The following ZNF26 variants were observed in gnomAD, a reference collection of about 807,000 sequenced individuals.
ZNF26 encodes zinc finger protein 26, also known as epididymis luminal protein 179.
Under a neutral mutation model 54.9 loss-of-function variants are expected in ZNF26, and 32 were observed. The observed-to-expected ratio is 0.58, with a 90% CI of 0.44 to 0.78. The LOEUF is 0.78. ZNF26 is among the 30% of genes least tolerant of loss of function. The pLI is 0.00. For synonymous variants in ZNF26, 221 were observed against 209.2 expected (o/e 1.06, Z -0.49); for missense variants, 524 against 634.0 (o/e 0.83, Z 1.86).
Position 133,003,618 on chromosome 12 carries a change from G to A in ZNF26, c.34-3424G>A, listed in dbSNP as rs1057213133. On this transcript the variant is annotated intron_variant, in intron 1 of 3. Coordinates refer to ENST00000328654, the MANE Select transcript of ZNF26 (RefSeq NM_019591.4). Reference sequence around the variant, plus strand: ...CTGTATGTAATTTAAATGGGTCTCAGAGGAGGATACTGATAATCATGTTTA... The same window carrying A: ...CTGTATGTAATTTAAATGGGTCTCAAAGGAGGATACTGATAATCATGTTTA... 1.2e-4 allele frequency among the ~76,000 whole-genome samples: 19 copies of A among 152,278 alleles called. No homozygotes were observed. The Middle Eastern group carries it at 0.017, about 136-fold the overall frequency.
chr12:133,008,775 C>CAAAAAAAA (rs57200465), intron 3 of ZNF26, among the ~76,000 whole-genome samples: 3 of 61,470 alleles, frequency 4.9e-5, no homozygotes, highest in Non-Finnish European at 9.9e-5. Context: ...GACTCCATCT[C>CAAAAAAAA]AAAAAAAAAA....
chr12:132,987,907 A>G (rs1952859019), intron 1 of ZNF26: 1 of 167,210 alleles, frequency 6.0e-6, no homozygotes, highest in Non-Finnish European at 1.2e-5. Flanking sequence ...CTATATTTAT[A>G]TGGGTCTATT....
chr12:132,987,653 C>A, intron 1 of ZNF26: 1 of 968,842 alleles, frequency 1.0e-6, no homozygotes. Flanking sequence ...ATATCCAATG[C>A]CTGTATTTCA....
At chr12:133,009,890 C>A (rs1383057258) in intron 3 of ZNF26, among the ~76,000 whole-genome samples, 5 of 152,060 alleles carry the variant, frequency 3.3e-5, no homozygotes, top group Non-Finnish European at 5.9e-5. Context: ...CAATTTTAAA[C>A]CTCTATTTTA....
intron 1 of ZNF26, among the ~76,000 whole-genome samples, chr12:133,003,078 A>C (rs1474823609): frequency 1.3e-5 from 2 of 152,036 alleles, no homozygotes; most frequent in South Asian, 4.1e-4. Context: ...CATTCTCATC[A>C]TGCAGGATGA....
At position 133,025,565 on chromosome 12, in the gene ZNF26, A is replaced by G. The variant is rs1953693064; in HGVS notation, c.*14084A>G. On this transcript the variant is annotated 3_prime_UTR_variant, in exon 4 of 4. Transcript: ENST00000328654. The stretch of plus-strand genomic sequence containing the variant: ...CATTCTCTTCCACAGTGTGCCTGCT[A>G]TATATTTCTCCCATGAGAGTTGAGG... 6.6e-6 allele frequency: 1 copy of G among 152,184 alleles called. No homozygotes were observed. The highest frequency in any genetic ancestry group is 2.1e-4 in the South Asian group (1 of 4,832). The allele number at this position is 152,184 out of a possible 1,614,324, so 9.4% of individuals were successfully genotyped here. A position where few individuals can be genotyped will look rare whatever the true frequency, so the allele number is the denominator to read the frequency against.
At chr12:132,993,645 G>A (rs1364912307) in intron 1 of ZNF26, among the ~76,000 whole-genome samples, 2 of 150,800 alleles carry the variant, frequency 1.3e-5, no homozygotes, top group African/African-American at 4.9e-5. Context: ...TAGTAGAGAC[G>A]GGGTTTCACC....
rs1953339574 is a variant in ZNF26, at chr12:133,006,757, G to A, written c.34-285G>A. 8.2e-5 allele frequency: 24 copies of A among 293,132 alleles called. No individual in the cohort carries two copies. In the South Asian group the frequency reaches 1.1e-3, roughly 13 times the overall value. 18.2% of individuals were successfully genotyped at this position (293,132 alleles called of 1,614,324 possible). ...TTACAAGTGCCTGCCACTGCGCCCA[G>A]CTAATTTTTGTATTTTTAGTAGAGA... On this transcript the variant is annotated intron_variant, in intron 1 of 3. Coordinates refer to ENST00000328654, the MANE Select transcript of ZNF26 (RefSeq NM_019591.4).
intron 1 of ZNF26, among the ~76,000 whole-genome samples, chr12:132,996,801 G>A (rs1166381942): frequency 6.6e-6 from 1 of 152,094 alleles, no homozygotes; most frequent in South Asian, 2.1e-4. Flanking sequence ...TATATTTTCT[G>A]GTTGGTGACT....
chr12:133,006,910 A>G (rs1215181094), intron 1 of ZNF26, 132 bp from the exon 2 acceptor site: 1 of 1,206,526 alleles, frequency 8.3e-7, no homozygotes, highest in Non-Finnish European at 1.2e-6. Flanking sequence ...TAATTCTCTC[A>G]CAAAGTAAAT....
In ZNF26 at chr12:133,020,698, C is replaced by T. The variant is rs1593679731; in HGVS notation, c.*9217C>T. 1 of 152,256 alleles carries T rather than the reference C, an allele frequency of 6.6e-6. No individual in the cohort carries two copies. Among genetic ancestry groups the T allele is most frequent in the East Asian group, 1.9e-4 (1 of 5,174 alleles). 9.4% of individuals were successfully genotyped at this position (152,256 alleles called of 1,614,324 possible). A position where few individuals can be genotyped will look rare whatever the true frequency, so the allele number is the denominator to read the frequency against. Reference sequence around the variant, plus strand: ...AGAACCACAAACTGGATGGCTTAAACAACACAGATATATTGTCTTACTGTT... The same window carrying T: ...AGAACCACAAACTGGATGGCTTAAATAACACAGATATATTGTCTTACTGTT... On this transcript the variant is annotated 3_prime_UTR_variant, in exon 4 of 4. Transcript: ENST00000328654.
intron 1 of ZNF26, among the ~76,000 whole-genome samples, chr12:133,002,614 T>G (rs1015666923): frequency 1.3e-5 from 2 of 151,122 alleles, no homozygotes; most frequent in Admixed American, 6.6e-5. Flanking sequence ...CTGCTTGGAT[T>G]TTTTGTTTGT....
chr12:133,002,109 C>T (rs545752957), intron 1 of ZNF26, among the ~76,000 whole-genome samples: 1,732 of 152,234 alleles, frequency 0.011, 13 homozygotes, highest in Middle Eastern at 0.02. Context: ...CCCCATCTTC[C>T]GTCATTCATG....
chr12:132,991,159 T>C (rs1952943451), intron 1 of ZNF26, among the ~76,000 whole-genome samples: 1 of 150,238 alleles, frequency 6.7e-6, no homozygotes, highest in African/African-American at 2.4e-5. Flanking sequence ...GTGCCCAGCC[T>C]CCATTACTAT....
Position 133,010,381 on chromosome 12 carries a change from C to T in ZNF26, c.502C>T (p.His168Tyr). The T allele has an allele frequency of 6.2e-7, 1 of 1,614,112 alleles. No individual in the cohort carries two copies. The highest frequency in any genetic ancestry group is 8.5e-7 in the Non-Finnish European group (1 of 1,180,016). Residue 168 changes from histidine to tyrosine, a missense_variant, in exon 4 of 4, where the codon CAT (histidine) becomes TAT (tyrosine). His to Tyr is a moderately conservative substitution (Grantham distance 83, BLOSUM62 2). Transcript: ENST00000328654. ...EPYFLKHQRA[H>Y]SIEKNCVCSE... is the part of the protein sequence containing the mutation. ...ATATTTTCTTAAGCATCAAAGAGCT[C>T]ATAGCATAGAAAAAAACTGTGTGTG... is the stretch of plus-strand genomic sequence containing the variant.
chr12:133,005,520 G>A (rs1262921774), intron 1 of ZNF26: 1 of 152,154 alleles, frequency 6.6e-6, no homozygotes, highest in African/African-American at 2.4e-5. Context: ...TTGTAGTCTA[G>A]CTCTTACCTG....
intron 1 of ZNF26, among the ~76,000 whole-genome samples, chr12:132,989,522 G>A (rs1952901743): frequency 2.0e-5 from 3 of 152,138 alleles, no homozygotes; most frequent in African/African-American, 7.2e-5. Flanking sequence ...ATATCTTGGG[G>A]ATGGGACCCA....
intron 1 of ZNF26, 92 bp downstream of exon 1, chr12:132,986,965 A>T (rs1351695477): frequency 7.2e-7 from 1 of 1,383,274 alleles, no homozygotes; most frequent in Non-Finnish European, 1.0e-6. Context: ...CTGAACTCAC[A>T]TTCAGCTGTA....
rs1270389012 is a variant in ZNF26, at chr12:133,015,373, AAAG to A, written c.*3895_*3897del. Reference sequence around the variant, plus strand: ...TGTCTCAAAAAAAAAAAAAAAAAGAAAAGAAAATGACAAACACATGTTCTGTGT... The same window carrying A: ...TGTCTCAAAAAAAAAAAAAAAAAGAAAAAATGACAAACACATGTTCTGTGT... On this transcript the variant is annotated 3_prime_UTR_variant, in exon 4 of 4. Coordinates refer to ENST00000328654, the MANE Select transcript of ZNF26 (RefSeq NM_019591.4). 2.7e-5 allele frequency: 4 copies of A among 150,672 alleles called. No homozygotes were observed. Among genetic ancestry groups the A allele is most frequent in the Non-Finnish European group, 4.4e-5 (3 of 68,022 alleles). 9.3% of individuals were successfully genotyped at this position (150,672 alleles called of 1,614,324 possible). A position where few individuals can be genotyped will look rare whatever the true frequency, so the allele number is the denominator to read the frequency against.
Sources: allele counts gnomAD v4.1 joint callset (sites outside exome capture counted in the v4.1 genomes callset), GRCh38; gene constraint gnomAD v4.1.1; transcripts MANE v1.5; gene names NCBI Gene and HGNC (gene_info 2026-07-23, HGNC 2026-07-21).